TBRG4: variants seen among roughly 807,000 people sequenced by gnomAD.
The protein encoded by TBRG4 is FAST kinase domain-containing protein 4.
A neutral mutation model predicts 65.6 loss-of-function variants in TBRG4; 43 were observed. The observed-to-expected ratio is 0.66, with a 90% CI of 0.51 to 0.85. The LOEUF (loss-of-function observed/expected upper bound fraction) is 0.85, where lower values mean the gene tolerates loss of function less well. Among genes scored for constraint, TBRG4 ranks in the 40% least tolerant of loss-of-function variants. The probability of loss-of-function intolerance (pLI) is 0.00; values close to 1 mark genes in which losing one functional copy is unlikely to be tolerated. For synonymous variants in TBRG4, 366 were observed against 341.4 expected (o/e 1.07, Z -0.79); for missense variants, 709 against 787.9 (o/e 0.90, Z 1.20).
intron 6 of TBRG4, 27 bp downstream of exon 6, chr7:45,103,306 C>A (rs749347619): frequency 6.4e-7 from 1 of 1,566,804 alleles, no homozygotes; most frequent in Non-Finnish European, 8.7e-7. Context: ...GGATAAAGGT[C>A]GAGCAGTGGG....
rs763016713 is a variant in TBRG4, at chr7:45,105,658, C to T, written c.518G>A (p.Arg173His). The T allele has an allele frequency of 1.1e-5, 17 of 1,613,934 alleles. No homozygotes were observed. Among genetic ancestry groups the T allele is most frequent in the African/African-American group, 4.0e-5 (3 of 74,938 alleles). Residue 173 changes from arginine (R) to histidine (H), a missense_variant, in exon 3 of 11, where the codon CGC becomes CAC. By Grantham distance (29) the Arg-to-His change is conservative. Coordinates refer to ENST00000258770, the MANE Select transcript of TBRG4 (RefSeq NM_004749.4). ...KELQSVEQEV[R>H]WRMRKLKYKH... ...GTACTTGAGCTTCCGCATGCGCCAG[C>T]GGACCTCCTGCTCCACCGACTGCAG... is the stretch of plus-strand genomic sequence containing the variant.
rs962311977 is a variant in TBRG4, at chr7:45,102,603, G to T, written c.1177-112C>A. The stretch of plus-strand genomic sequence containing the variant: ...TCTTGGCCTGGTTGGGATGAGGCCA[G>T]AGGAGGCTACTAGGTAACAAGAGGC... On this transcript the variant is annotated intron_variant, in intron 6 of 10. Transcript: ENST00000258770. The T allele has an allele frequency of 1.8e-5, 26 of 1,432,976 alleles. No individual in the cohort carries two copies. The African/African-American group carries it at 2.8e-4, about 16-fold the overall frequency. The allele number at this position is 1,432,976 out of a possible 1,614,324, so 88.8% of individuals were successfully genotyped here.
At chr7:45,100,745 G>A (rs138126405) in intron 10 of TBRG4, among the ~76,000 whole-genome samples, 5 of 152,356 alleles carry the variant, frequency 3.3e-5, no homozygotes, top group African/African-American at 1.2e-4. Context: ...ACCCTTGTGT[G>A]GCTCATGAAG....
intron 2 of TBRG4, chr7:45,106,111 G>A: frequency 1.8e-6 from 1 of 558,714 alleles, no homozygotes; most frequent in South Asian, 1.4e-5. Context: ...AGCACCTGCA[G>A]AGCCAGAGCA....
chr7:45,102,453 C>T lies in TBRG4; in HGVS notation c.1215G>A (p.Glu405=). 2 of 1,613,134 alleles carry T rather than the reference C, an allele frequency of 1.2e-6. No individual in the cohort carries two copies. The highest frequency in any genetic ancestry group is 1.7e-6 in the Non-Finnish European group (2 of 1,180,012). Residue 405 remains glutamate (E), a synonymous_variant, in exon 7 of 11, where the codon GAG becomes GAA. Coordinates refer to ENST00000258770, the MANE Select transcript of TBRG4 (RefSeq NM_004749.4). The part of the protein sequence containing the change: ...EKLGSELPGL[E]PALQVDLVWA... Reference sequence around the variant, plus strand: ...ACACCAGGTCCACCTGCAGGGCTGGCTCCAGGCCTGGCAGCTCTGACCCCA... The same window carrying T: ...ACACCAGGTCCACCTGCAGGGCTGGTTCCAGGCCTGGCAGCTCTGACCCCA...
chr7:45,104,202 A>G lies in TBRG4; in HGVS notation c.962T>C (p.Leu321Pro), dbSNP rs747109085. The change falls in exon 5 of 11, where the codon CTA becomes CCA. Residue 321 changes from leucine (L) to proline (P), a missense_variant. Leu to Pro is a moderately conservative substitution (Grantham distance 98). Transcript: ENST00000258770. ...QVSQRLATDLLSLMPSLTSGE... is the reference protein window; with the variant it reads ...QVSQRLATDLPSLMPSLTSGE... ...AGAAGTCAGGCTGGGCATGAGGGAT[A>G]GCAGGTCGGTGGCCAGGCGCTGGGA... The G allele has an allele frequency of 7.4e-6, 12 of 1,614,184 alleles. No homozygotes were observed. The highest frequency in any genetic ancestry group is 1.0e-5 in the Non-Finnish European group (12 of 1,180,042).
At chr7:45,105,989 T>C in intron 2 of TBRG4, 1 of 741,662 alleles carries the variant, frequency 1.3e-6, no homozygotes, top group Non-Finnish European at 2.5e-6. Context: ...ACCAAATTTA[T>C]CCCTGAGCCT....
chr7:45,105,313 G>T, intron 3 of TBRG4, 128 bp downstream of exon 3: 3 of 1,090,952 alleles, frequency 2.7e-6, no homozygotes, highest in Non-Finnish European at 3.9e-6. Flanking sequence ...TGAGGCTCCA[G>T]ACAGAAGCTC....
At chr7:45,100,735 ACC>A (rs2128643798) in intron 10 of TBRG4, among the ~76,000 whole-genome samples, 1 of 152,118 alleles carries the variant, frequency 6.6e-6, no homozygotes, top group African/African-American at 2.4e-5. Context: ...AGCAAACAGA[ACC>A]CTTGTGTGGC....
chr7:45,105,721 C>T lies in TBRG4; in HGVS notation c.455G>A (p.Ser152Asn), dbSNP rs1173932185. ...WHGTLSKLLG[S>N]LYALGIPKAS... ...CTTGGGGATGCCCAGAGCATACAGG[C>T]TTCCCAGCAGCTTCGAGAGGGTACC... Residue 152 changes from serine (S) to asparagine (N), a missense_variant, in exon 3 of 11, where the codon AGC (serine) becomes AAC (asparagine). Transcript: ENST00000258770. 2.5e-6 allele frequency: 4 copies of T among 1,613,314 alleles called. No individual in the cohort carries two copies. The highest frequency in any genetic ancestry group is 1.3e-5 in the African/African-American group (1 of 74,930).
At chr7:45,108,796 C>G in intron 2 of TBRG4, 31 bp downstream of exon 2, 1 of 1,496,902 alleles carries the variant, frequency 6.7e-7, no homozygotes, top group Non-Finnish European at 8.9e-7. Context: ...TTCCTCTTGT[C>G]TATGCTCTCA....
At position 45,104,184 on chromosome 7, in the gene TBRG4, A is replaced by T; in HGVS notation, c.980T>A (p.Leu327Gln). 6.2e-7 allele frequency: 1 copy of T among 1,614,124 alleles called. No individual in the cohort carries two copies. Among genetic ancestry groups the T allele is most frequent in the South Asian group, 1.1e-5 (1 of 91,078 alleles). ...ACAGTGGGCCACCTCACCAGAAGTC[A>T]GGCTGGGCATGAGGGATAGCAGGTC... is the stretch of plus-strand genomic sequence containing the variant. ...ATDLLSLMPS[L>Q]TSGEVAHCAK... Residue 327 changes from leucine (L) to glutamine (Q), a missense_variant, in exon 5 of 11, where the codon CTG becomes CAG. Transcript: ENST00000258770.
chr7:45,100,153 A>C lies in TBRG4; in HGVS notation c.*172T>G. 1.7e-6 allele frequency: 1 copy of C among 572,748 alleles called. No individual in the cohort carries two copies. The allele number at this position is 572,748 out of a possible 1,614,324, so 35.5% of individuals were successfully genotyped here. On this transcript the variant is annotated 3_prime_UTR_variant, in exon 11 of 11. Coordinates refer to ENST00000258770, the MANE Select transcript of TBRG4 (RefSeq NM_004749.4). ...GAAGGCCCCAGGGGTCCAACACCAA[A>C]ATTAAAGGTTTATTATACACAAGAG...
At chr7:45,104,773 C>T in intron 3 of TBRG4, 64 bp from the exon 4 acceptor site, 1 of 1,587,738 alleles carries the variant, frequency 6.3e-7, no homozygotes, top group Middle Eastern at 2.0e-4. Context: ...GAGCTGGGGG[C>T]AGGGGTCCCA....
chr7:45,103,980 G>T (rs1784852676), intron 5 of TBRG4, 119 bp downstream of exon 5: 8 of 1,328,918 alleles, frequency 6.0e-6, no homozygotes, highest in Admixed American at 2.9e-5. Context: ...CAAGAAATAT[G>T]TATTTGCCCC....
intron 5 of TBRG4, chr7:45,103,649 G>A: frequency 1.7e-6 from 1 of 578,096 alleles, no homozygotes; most frequent in South Asian, 2.2e-5. Context: ...TACCCACAGA[G>A]GCTGGGGACA....
rs745383637 is a variant in TBRG4, at chr7:45,102,413, G to C, written c.1255C>G (p.Leu419Val). The change falls in exon 7 of 11, where the codon CTG becomes GTG. Residue 419 changes from leucine (L) to valine (V), a missense_variant. Physicochemically the swap from Leu to Val is conservative, Grantham distance 32. Transcript: ENST00000258770. Reference sequence around the variant, plus strand: ...AGCTCTGCTTCCCGTGCCTGCTGCAGCACACACAGGGCCCACACCAGGTCC... The same window carrying C: ...AGCTCTGCTTCCCGTGCCTGCTGCACCACACACAGGGCCCACACCAGGTCC... ...QVDLVWALCVLQQAREAELQA... is the reference protein window; with the variant it reads ...QVDLVWALCVVQQAREAELQA... The C allele has an allele frequency of 1.9e-6, 3 of 1,613,982 alleles. No individual in the cohort carries two copies. In the South Asian group the frequency reaches 3.3e-5, roughly 18 times the overall value.
rs757984516 is a variant in TBRG4 at position 45,102,414 on chromosome 7, C to T, written c.1254G>A (p.Val418=). ...GCTCTGCTTCCCGTGCCTGCTGCAG[C>T]ACACACAGGGCCCACACCAGGTCCA... is the stretch of plus-strand genomic sequence containing the variant. The part of the protein sequence containing the change: ...LQVDLVWALC[V]LQQAREAELQ... Residue 418 remains valine, a synonymous_variant, in exon 7 of 11, where the codon GTG becomes GTA. Transcript: ENST00000258770. 36 of 1,613,858 alleles carry T rather than the reference C, an allele frequency of 2.2e-5. No homozygotes were observed. Among genetic ancestry groups the T allele is most frequent in the Non-Finnish European group, 3.1e-5 (36 of 1,180,038 alleles).
In TBRG4 at chr7:45,105,301, C is replaced by T. The variant is rs1437670146; in HGVS notation, c.735+140G>A. 3 of 959,990 alleles carry T rather than the reference C, an allele frequency of 3.1e-6. No homozygotes were observed. In the Admixed American group the frequency reaches 8.1e-5, roughly 26 times the overall value. 59.5% of individuals were successfully genotyped at this position (959,990 alleles called of 1,614,324 possible). A position where few individuals can be genotyped will look rare whatever the true frequency, so the allele number is the denominator to read the frequency against. The stretch of plus-strand genomic sequence containing the variant: ...CCCTCTGGTCCTGCCCCATGTGATG[C>T]CTGAGGCTCCAGACAGAAGCTCCCA... On this transcript the variant is annotated intron_variant, in intron 3 of 10. Coordinates refer to ENST00000258770, the MANE Select transcript of TBRG4 (RefSeq NM_004749.4).
Sources: allele counts gnomAD v4.1 joint callset (sites outside exome capture counted in the v4.1 genomes callset), GRCh38; gene constraint gnomAD v4.1.1; transcripts MANE v1.5; gene names NCBI Gene and HGNC (gene_info 2026-07-23, HGNC 2026-07-21).